Variants in GPR161 observed in about 807,000 individuals in gnomAD.
GPR161 encodes the protein G-protein coupled receptor RE2.
Under a neutral mutation model 39.2 loss-of-function variants are expected in GPR161, and 25 were observed. That is an observed-to-expected ratio of 0.64 (90% confidence interval 0.47 to 0.89). The LOEUF is 0.89. Among genes scored for constraint, GPR161 ranks in the 40% least tolerant of loss-of-function variants. The pLI is 0.00. For missense variants in GPR161, 547 were observed against 677.8 expected (o/e 0.81, Z 2.14); for synonymous variants, 286 against 276.6 (o/e 1.03, Z -0.34).
At chr1:168,089,069 A>G (rs969987446) in intron 4 of GPR161, 17 of 152,168 alleles carry the variant, frequency 1.1e-4, no homozygotes, top group African/African-American at 4.1e-4. Context: ...ATACTTTACA[A>G]TCTTTATATA....
intron 5 of GPR161, among the ~76,000 whole-genome samples, chr1:168,086,493 A>T (rs1353533739): frequency 2.0e-5 from 3 of 151,054 alleles, no homozygotes; most frequent in Non-Finnish European, 4.4e-5. Context: ...CCTGTACCCC[A>T]CTCTCCAAGA....
intron 1 of GPR161, among the ~76,000 whole-genome samples, chr1:168,123,505 T>TATATAG (rs142132606): frequency 2.5e-4 from 38 of 149,020 alleles, no homozygotes; most frequent in African/African-American, 7.5e-4. Context: ...TATATCTATC[T>TATATAG]ATATAGATAT....
chr1:168,096,823 A>G lies in GPR161; in HGVS notation c.784T>C (p.Ser262Pro), dbSNP rs576055321. Reference sequence around the variant, plus strand: ...ATGAGGGCTTTGCACTGGTTGGCCGAGTAGACCACACCCTGAAAGGCATTC... The same window carrying G: ...ATGAGGGCTTTGCACTGGTTGGCCGGGTAGACCACACCCTGAAAGGCATTC... ...RRNAFQGVVY[S>P]ANQCKALITI... Residue 262 changes from serine to proline, a missense_variant, in exon 3 of 6, where the codon TCG becomes CCG. Physicochemically the swap from Ser to Pro is moderately conservative, Grantham distance 74. Coordinates refer to ENST00000682931, the MANE Select transcript of GPR161 (RefSeq NM_001375883.1). 23 of 1,614,120 alleles carry G rather than the reference A, an allele frequency of 1.4e-5. No homozygotes were observed. The highest frequency in any genetic ancestry group is 1.2e-4 in the Admixed American group (7 of 60,016).
At chr1:168,110,856 G>A (rs1426311798) in intron 1 of GPR161, among the ~76,000 whole-genome samples, 3 of 151,730 alleles carry the variant, frequency 2.0e-5, no homozygotes, top group South Asian at 2.1e-4. Flanking sequence ...CCCAAGAGGC[G>A]GAGGTTGCAG....
intron 1 of GPR161, among the ~76,000 whole-genome samples, chr1:168,108,485 G>GGAAAAAAAAAAA (rs1696820684): frequency 2.3e-3 from 1 of 434 alleles, no homozygotes; most frequent in South Asian, 0.1. Flanking sequence ...GGCCCTAGTT[G>GGAAAAAAAAAAA]TAAAAAAAAA....
chr1:168,082,488 CTG>C lies in GPR161; in HGVS notation c.*3041_*3042del, dbSNP rs1385699890. 1 of 152,278 alleles carries C rather than the reference CTG, an allele frequency of 6.6e-6. No homozygotes were observed. Among genetic ancestry groups the C allele is most frequent in the Non-Finnish European group, 1.5e-5 (1 of 68,106 alleles). 9.4% of individuals were successfully genotyped at this position (152,278 alleles called of 1,614,324 possible). A position where few individuals can be genotyped will look rare whatever the true frequency, so the allele number is the denominator to read the frequency against. ...TTGGTGCCTCTGGCCAGGGAAATGG[CTG>C]TGTTGAGCTGTGTGTGTGCTCTGTA... On this transcript the variant is annotated 3_prime_UTR_variant, in exon 6 of 6. Transcript: ENST00000682931.
intron 1 of GPR161, chr1:168,134,891 A>G (rs1194402549): frequency 2.0e-6 from 3 of 1,534,604 alleles, no homozygotes; most frequent in Admixed American, 3.9e-5. Flanking sequence ...TGGAGTTTAC[A>G]CCACAGAACT....
intron 2 of GPR161, among the ~76,000 whole-genome samples, chr1:168,101,117 T>C (rs2102157935): frequency 6.6e-6 from 1 of 152,140 alleles, no homozygotes; most frequent in South Asian, 2.1e-4. Context: ...TCTTTTTTTT[T>C]TTTTCTTTTT....
rs1695722257 is a variant in GPR161, at chr1:168,098,036, G to A, written c.375-804C>T. Among the ~76,000 whole-genome samples the A allele has an allele frequency of 6.6e-6, 1 of 152,204 alleles. No homozygotes were observed. The highest frequency in any genetic ancestry group is 2.4e-5 in the African/African-American group (1 of 41,454). On this transcript the variant is annotated intron_variant, in intron 2 of 5. Transcript: ENST00000682931. This position sits in a 1 kb window ranked among gnomAD's most constrained non-coding sequence, Gnocchi z 4.1. ...TGCTAGGTAGGAGGTGGGCCAGGAG[G>A]GCTATCCATTCAAACTGGCAGGCTT...
intron 1 of GPR161, chr1:168,134,070 G>A (rs531958496): frequency 6.4e-6 from 1 of 155,760 alleles, no homozygotes; most frequent in South Asian, 2.0e-4. Flanking sequence ...TATATTCCAT[G>A]AATGCTTTAC....
intron 2 of GPR161, among the ~76,000 whole-genome samples, chr1:168,104,049 G>C (rs766281241): frequency 3.9e-5 from 6 of 152,096 alleles, no homozygotes; most frequent in Non-Finnish European, 7.4e-5. Context: ...TTTCAGTCCT[G>C]GACTGTGGGC....
intron 1 of GPR161, among the ~76,000 whole-genome samples, chr1:168,116,028 C>T (rs1440334082): frequency 2.0e-5 from 3 of 152,170 alleles, no homozygotes; most frequent in Non-Finnish European, 1.5e-5. Context: ...CTGCCCACCT[C>T]GGCCTCCCAA....
chr1:168,087,898 C>T lies in GPR161; in HGVS notation c.1205-194G>A, dbSNP rs79706251. ...CTGTTTCAGGGAGTTTGCAGACAGCCGGTGGGGCTGCGTCAGCCACACAAA... is the reference window on the plus strand; with the variant it reads ...CTGTTTCAGGGAGTTTGCAGACAGCTGGTGGGGCTGCGTCAGCCACACAAA... On this transcript the variant is annotated intron_variant, in intron 4 of 5. Transcript: ENST00000682931. The T allele has an allele frequency of 6.2e-3, 3,314 of 531,044 alleles. 60 individuals carry two copies. The highest frequency in any genetic ancestry group is 0.054 in the East Asian group (1,559 of 28,830). The allele number at this position is 531,044 out of a possible 1,614,324, so 32.9% of individuals were successfully genotyped here.
intron 4 of GPR161, 106 bp from the exon 5 acceptor site, chr1:168,087,810 AC>A: frequency 8.5e-7 from 1 of 1,172,094 alleles, no homozygotes; most frequent in Non-Finnish European, 1.2e-6. Flanking sequence ...GTTCATCCAA[AC>A]CCATCATCAA....
Position 168,096,645 on chromosome 1 carries a change from G to T in GPR161, c.962C>A (p.Pro321His). Residue 321 changes from proline to histidine, a missense_variant, in exon 3 of 6, where the codon CCC becomes CAC. By Grantham distance (77) the Pro-to-His change is moderately conservative. Coordinates refer to ENST00000682931, the MANE Select transcript of GPR161 (RefSeq NM_001375883.1). ...WLSFASAVCH[P>H]LIYGLWNKTV... ...CTTGTTCCAGAGTCCATAGATCAGGGGGTGGCAGACAGCGCTGGCAAAGGA... is the reference window on the plus strand; with the variant it reads ...CTTGTTCCAGAGTCCATAGATCAGGTGGTGGCAGACAGCGCTGGCAAAGGA... 6.2e-7 allele frequency: 1 copy of T among 1,614,212 alleles called. No homozygotes were observed.
chr1:168,096,005 G>A (rs1248096199), intron 3 of GPR161, among the ~76,000 whole-genome samples: 3 of 151,788 alleles, frequency 2.0e-5, no homozygotes, highest in South Asian at 2.1e-4. Context: ...GTGGTGGTGC[G>A]TGCCTATAAT....
Position 168,134,822 on chromosome 1 carries a change from C to T in GPR161, c.-45+1917G>A, listed in dbSNP as rs1329863825. 4.0e-6 allele frequency: 5 copies of T among 1,254,056 alleles called. No homozygotes were observed. In the Admixed American group the frequency reaches 7.9e-5, roughly 20 times the overall value. 77.7% of individuals were successfully genotyped at this position (1,254,056 alleles called of 1,614,324 possible). A position where few individuals can be genotyped will look rare whatever the true frequency, so the allele number is the denominator to read the frequency against. ...GGCTTAGCAGCACACAGCTCCCACC[C>T]AGCCCTCCTGTCCACCCGCCTCCTG... is the stretch of plus-strand genomic sequence containing the variant. On this transcript the variant is annotated intron_variant, in intron 1 of 5. Transcript: ENST00000682931.
At chr1:168,092,138 G>A (rs1485213235) in intron 3 of GPR161, among the ~76,000 whole-genome samples, 1 of 152,164 alleles carries the variant, frequency 6.6e-6, no homozygotes, top group Non-Finnish European at 1.5e-5. Context: ...CTTGACTGGG[G>A]GTTACTGTAG....
intron 1 of GPR161, among the ~76,000 whole-genome samples, chr1:168,116,059 G>A (rs1351547950): frequency 2.0e-5 from 3 of 152,032 alleles, no homozygotes; most frequent in African/African-American, 7.2e-5. Context: ...TTATAGGCGT[G>A]AGCCACCACG....
Sources: gnomAD v4.1 joint callset for allele counts (sites outside exome capture counted in the v4.1 genomes callset) on GRCh38, gnomAD v4.1.1 for gene constraint, Gnocchi (gnomAD v3.1) non-coding constraint, MANE v1.5 for transcripts, NCBI Gene and HGNC (gene_info 2026-07-23, HGNC 2026-07-21) for gene names.